The following ARHGAP15 variants were observed in gnomAD, a reference collection of about 807,000 sequenced individuals.
The protein encoded by ARHGAP15 is rho GTPase-activating protein 15.
ARHGAP15 carries 51 observed loss-of-function variants against 63.7 expected under a neutral mutation model. The ratio of observed to expected loss-of-function variants is 0.80; its 90% CI spans 0.64 to 1.01. The LOEUF (loss-of-function observed/expected upper bound fraction) is 1.01. Ranked by LOEUF, ARHGAP15 falls within the 50% of genes least tolerant of loss-of-function variation. ARHGAP15 has a pLI of 0.00. For missense variants in ARHGAP15, 560 were observed against 564.6 expected (o/e 0.99, Z 0.08); for synonymous variants, 191 against 193.8 (o/e 0.99, Z 0.12).
chr2:143,271,364 C>G (rs923695407), intron 6 of ARHGAP15, among the ~76,000 whole-genome samples: 1 of 152,204 alleles, frequency 6.6e-6, no homozygotes. Context: ...ATCTACCTTC[C>G]CCCTTAACCC....
intron 8 of ARHGAP15, among the ~76,000 whole-genome samples, chr2:143,463,258 T>C (rs948334900): frequency 6.6e-6 from 1 of 152,152 alleles, no homozygotes; most frequent in East Asian, 1.9e-4. Flanking sequence ...ATATATATTA[T>C]AGGCCGGGTG....
intron 6 of ARHGAP15, among the ~76,000 whole-genome samples, chr2:143,367,954 A>T (rs1361937417): frequency 6.6e-6 from 1 of 152,110 alleles, no homozygotes; most frequent in Non-Finnish European, 1.5e-5. Context: ...GAGGTCAGAA[A>T]AGGGTAGTTT....
intron 11 of ARHGAP15, among the ~76,000 whole-genome samples, chr2:143,569,359 A>G (rs1696364492): frequency 6.6e-6 from 1 of 152,252 alleles, no homozygotes; most frequent in African/African-American, 2.4e-5. Context: ...GATATCAGAA[A>G]TTATAATCAA....
At chr2:143,638,687 T>TAAAAAAAAAAAAAAAAATA (rs201447356) in intron 12 of ARHGAP15, among the ~76,000 whole-genome samples, 1 of 132,338 alleles carries the variant, frequency 7.6e-6, no homozygotes, top group African/African-American at 2.8e-5. Context: ...AAAAAAATAT[T>TAAAAAAAAAAAAAAAAATA]AAAAAAAAAA....
intron 6 of ARHGAP15, among the ~76,000 whole-genome samples, chr2:143,385,953 T>C (rs540687051): frequency 5.1e-4 from 78 of 152,140 alleles, no homozygotes; most frequent in Non-Finnish European, 9.9e-4. Context: ...GAACACAGTG[T>C]TGATGCTCTG....
chr2:143,666,859 A>T (rs1469270217), intron 12 of ARHGAP15, among the ~76,000 whole-genome samples: 1 of 149,300 alleles, frequency 6.7e-6, no homozygotes, highest in Non-Finnish European at 1.5e-5. Flanking sequence ...GCAAATCTAA[A>T]CCGCAATGAG....
At chr2:143,424,537 T>C (rs1361059650) in intron 6 of ARHGAP15, among the ~76,000 whole-genome samples, 1 of 152,042 alleles carries the variant, frequency 6.6e-6, no homozygotes, top group African/African-American at 2.4e-5. Context: ...AGCTTCTTCA[T>C]GTCCTTTAGA....
intron 12 of ARHGAP15, among the ~76,000 whole-genome samples, chr2:143,630,603 A>C (rs1205948180): frequency 1.3e-5 from 2 of 152,052 alleles, no homozygotes; most frequent in African/African-American, 4.8e-5. Flanking sequence ...TCTGTTACCT[A>C]ATATTGTTTC....
At chr2:143,298,863 T>C (rs973547501) in intron 6 of ARHGAP15, among the ~76,000 whole-genome samples, 1 of 151,938 alleles carries the variant, frequency 6.6e-6, no homozygotes, top group African/African-American at 2.4e-5. Flanking sequence ...ACACTTATTA[T>C]CTTATTTAAC....
chr2:143,708,198 A>C (rs1350571410), intron 13 of ARHGAP15, among the ~76,000 whole-genome samples: 1 of 152,190 alleles, frequency 6.6e-6, no homozygotes, highest in East Asian at 1.9e-4. Flanking sequence ...CTGTAGTGAG[A>C]AGTATATGAA....
intron 12 of ARHGAP15, among the ~76,000 whole-genome samples, chr2:143,626,620 T>C (rs902532500): frequency 1.3e-5 from 2 of 152,104 alleles, no homozygotes; most frequent in Non-Finnish European, 2.9e-5. Context: ...CCCTCCCATG[T>C]TCTGTTTCTG....
chr2:143,228,721 A>G (rs1693322409), intron 5 of ARHGAP15, 53 bp downstream of exon 5: 2 of 1,364,114 alleles, frequency 1.5e-6, no homozygotes, highest in Non-Finnish European at 2.0e-6. Context: ...ATATTGTAGA[A>G]TTAAAAGTTT....
intron 10 of ARHGAP15, among the ~76,000 whole-genome samples, chr2:143,539,319 T>A (rs1469148491): frequency 2.0e-5 from 3 of 150,482 alleles, no homozygotes. Flanking sequence ...GTTGATCTTT[T>A]CAAAAAACCA....
At chr2:143,464,807 A>G (rs191968217) in intron 8 of ARHGAP15, among the ~76,000 whole-genome samples, 3 of 152,262 alleles carry the variant, frequency 2.0e-5, no homozygotes, top group African/African-American at 7.2e-5. Flanking sequence ...TGATATTAAA[A>G]TTCTATCACT....
intron 1 of ARHGAP15, among the ~76,000 whole-genome samples, chr2:143,134,149 ATCTACCTATCTATCT>A (rs1408094681): frequency 2.5e-3 from 68 of 27,690 alleles, no homozygotes; most frequent in Non-Finnish European, 3.9e-3. Flanking sequence ...CTATCTATCT[ATCTACCTATCTATCT>A]ATCATCTATC....
Position 143,435,602 on chromosome 2 carries a change from T to C in ARHGAP15, c.476T>C (p.Ile159Thr). 6.6e-7 allele frequency: 1 copy of C among 1,510,558 alleles called. No homozygotes were observed. Among genetic ancestry groups the C allele is most frequent in the South Asian group, 1.3e-5 (1 of 78,952 alleles). The allele number at this position is 1,510,558 out of a possible 1,614,324, so 93.6% of individuals were successfully genotyped here. ...TTTTTCTTTTTTTTTTTTTTGCAGA[T>C]CACAACAGTATCAGGAAATGAGTTC... ...EKSSRKNVFQITTVSGNEFLL... is the reference protein window; with the variant it reads ...EKSSRKNVFQTTTVSGNEFLL... Residue 159 changes from isoleucine (I) to threonine (T), a missense_variant and splice_region_variant, in exon 7 of 14, where the codon ATC becomes ACC. Transcript: ENST00000295095.
chr2:143,150,026 A>G (rs1323618552), intron 1 of ARHGAP15, among the ~76,000 whole-genome samples: 2 of 151,912 alleles, frequency 1.3e-5, no homozygotes, highest in Non-Finnish European at 1.5e-5. Context: ...TTGTGGGTCT[A>G]TGGCGAAATC....
intron 6 of ARHGAP15, among the ~76,000 whole-genome samples, chr2:143,434,074 C>G (rs1209204361): frequency 6.6e-6 from 1 of 152,008 alleles, no homozygotes; most frequent in Non-Finnish European, 1.5e-5. Context: ...CTGTCTTTTA[C>G]TGGATACATA....
intron 9 of ARHGAP15, among the ~76,000 whole-genome samples, chr2:143,490,551 T>C (rs893280474): frequency 3.3e-5 from 5 of 152,204 alleles, no homozygotes; most frequent in African/African-American, 1.2e-4. Context: ...TATATGTGGT[T>C]TCATTAGCTA....
Sources: gnomAD v4.1 joint callset for allele counts (sites outside exome capture counted in the v4.1 genomes callset) on GRCh38, gnomAD v4.1.1 for gene constraint, MANE v1.5 for transcripts, NCBI Gene and HGNC (gene_info 2026-07-23, HGNC 2026-07-21) for gene names.